The following AFG1L variants were observed in gnomAD, a reference collection of about 807,000 sequenced individuals.
AFG1L encodes AFG1 like ATPase.
Under a neutral mutation model 62.2 loss-of-function variants are expected in AFG1L, and 53 were observed. The observed-to-expected ratio is 0.85, with a 90% CI of 0.68 to 1.07. The LOEUF is 1.07. Among genes scored for constraint, AFG1L ranks in the 50% least tolerant of loss-of-function variants. The pLI is 0.00. For missense variants in AFG1L, 555 were observed against 590.5 expected, an observed-to-expected ratio of 0.94 and a Z score of 0.62; for synonymous variants, 228 against 210.3, an observed-to-expected ratio of 1.08 and a Z score of -0.73.
At chr6:108,415,198 G>A (rs536084632) in intron 7 of AFG1L, among the ~76,000 whole-genome samples, 6 of 152,064 alleles carry the variant, frequency 3.9e-5, no homozygotes, top group Admixed American at 6.5e-5. Flanking sequence ...AAAATACCTC[G>A]GAATCCAACT....
chr6:108,404,501 T>C (rs1026340357), intron 7 of AFG1L, among the ~76,000 whole-genome samples: 7 of 152,072 alleles, frequency 4.6e-5, no homozygotes, highest in Non-Finnish European at 8.8e-5. Context: ...TTCTTCAAAA[T>C]AGTGAGTACT....
At chr6:108,320,480 C>G (rs1777776317) in intron 1 of AFG1L, among the ~76,000 whole-genome samples, 1 of 152,130 alleles carries the variant, frequency 6.6e-6, no homozygotes, top group Non-Finnish European at 1.5e-5. Context: ...TCCTCTGTTC[C>G]CCCTTATCTG....
chr6:108,316,734 G>A (rs1031793181), intron 1 of AFG1L, among the ~76,000 whole-genome samples: 1 of 151,832 alleles, frequency 6.6e-6, no homozygotes, highest in South Asian at 2.1e-4. Flanking sequence ...GGGTTTCACC[G>A]TGTTAGCCGG....
intron 8 of AFG1L, among the ~76,000 whole-genome samples, chr6:108,449,345 G>A (rs1771957295): frequency 6.6e-6 from 1 of 152,010 alleles, no homozygotes; most frequent in Non-Finnish European, 1.5e-5. Flanking sequence ...CTTGACCATA[G>A]TCAAGAATAG....
At chr6:108,335,118 G>A (rs1039686032) in intron 2 of AFG1L, among the ~76,000 whole-genome samples, 1 of 151,762 alleles carries the variant, frequency 6.6e-6, no homozygotes, top group Non-Finnish European at 1.5e-5. Flanking sequence ...CTCAGCCTCC[G>A]AAGCAGCTGG....
At chr6:108,317,359 G>C (rs1777645387) in intron 1 of AFG1L, among the ~76,000 whole-genome samples, 1 of 152,156 alleles carries the variant, frequency 6.6e-6, no homozygotes, top group South Asian at 2.1e-4. Context: ...GAATGGCACT[G>C]TTGATTGGTT....
chr6:108,304,979 T>C (rs1482653185), intron 1 of AFG1L, among the ~76,000 whole-genome samples: 1 of 152,260 alleles, frequency 6.6e-6, no homozygotes, highest in African/African-American at 2.4e-5. Flanking sequence ...TAGAATGCGA[T>C]GCATTTTCCT....
At chr6:108,417,510 T>C (rs1180033836) in intron 7 of AFG1L, among the ~76,000 whole-genome samples, 1 of 152,160 alleles carries the variant, frequency 6.6e-6, no homozygotes, top group Non-Finnish European at 1.5e-5. Flanking sequence ...AATTTTATTT[T>C]CAGTAATCAG....
At chr6:108,439,465 A>G (rs1344689656) in intron 7 of AFG1L, among the ~76,000 whole-genome samples, 3 of 152,162 alleles carry the variant, frequency 2.0e-5, no homozygotes, top group African/African-American at 7.2e-5. Flanking sequence ...CTGATCTTCC[A>G]TGTAGATGGA....
chr6:108,330,021 G>A (rs1168565175), intron 2 of AFG1L, among the ~76,000 whole-genome samples: 1 of 152,070 alleles, frequency 6.6e-6, no homozygotes, highest in Non-Finnish European at 1.5e-5. Flanking sequence ...AAGGGGAAGA[G>A]AGTCTTGAGC....
At chr6:108,346,288 A>G (rs567822975) in intron 2 of AFG1L, among the ~76,000 whole-genome samples, 6 of 152,314 alleles carry the variant, frequency 3.9e-5, no homozygotes, top group Admixed American at 2.0e-4. Flanking sequence ...TTCATCTTGT[A>G]AAACTGAAAC....
chr6:108,514,521 C>T (rs1029829988), intron 11 of AFG1L, among the ~76,000 whole-genome samples: 18 of 152,100 alleles, frequency 1.2e-4, no homozygotes, highest in Non-Finnish European at 2.2e-4. Context: ...AAGGAACAAC[C>T]GGTACCAGCC....
chr6:108,514,391 C>G (rs1359892418), intron 11 of AFG1L, among the ~76,000 whole-genome samples: 4 of 152,090 alleles, frequency 2.6e-5, no homozygotes, highest in Non-Finnish European at 5.9e-5. Flanking sequence ...CATATCCAGC[C>G]AAACTAAGCT....
intron 10 of AFG1L, among the ~76,000 whole-genome samples, chr6:108,499,371 T>C (rs1371149216): frequency 6.6e-6 from 1 of 151,164 alleles, no homozygotes; most frequent in African/African-American, 2.4e-5. Context: ...GCCCAGCCCA[T>C]AAACATAACT....
intron 1 of AFG1L, among the ~76,000 whole-genome samples, chr6:108,317,267 C>A (rs549428476): frequency 6.6e-6 from 1 of 152,204 alleles, no homozygotes; most frequent in Non-Finnish European, 1.5e-5. Flanking sequence ...CACAGGAGAA[C>A]TGGAGTTATC....
At chr6:108,447,134 A>T in intron 7 of AFG1L, 80 bp from the exon 8 acceptor site, 1 of 593,336 alleles carries the variant, frequency 1.7e-6, no homozygotes, top group Non-Finnish European at 2.9e-6. Context: ...AAAAATTTTA[A>T]AAATGTATAG....
chr6:108,359,814 A>G (rs1278367978), intron 5 of AFG1L: 1 of 152,232 alleles, frequency 6.6e-6, no homozygotes, highest in East Asian at 1.9e-4. Flanking sequence ...AGGTGCCATC[A>G]GTATTGTCCC....
intron 10 of AFG1L, among the ~76,000 whole-genome samples, chr6:108,480,253 A>G (rs542732704): frequency 6.6e-6 from 1 of 152,342 alleles, no homozygotes; most frequent in South Asian, 2.1e-4. Flanking sequence ...AATAATAATG[A>G]ATATAGCCAC....
Position 108,295,205 on chromosome 6 carries a change from G to T in AFG1L, c.126G>T (p.Lys42Asn). 3 of 1,604,376 alleles carry T rather than the reference G, an allele frequency of 1.9e-6. No individual in the cohort carries two copies. The highest frequency in any genetic ancestry group is 2.5e-6 in the Non-Finnish European group (3 of 1,179,772). The change falls in exon 1 of 13, where the codon AAG becomes AAT. Residue 42 changes from lysine (K) to asparagine (N), a missense_variant. Coordinates refer to ENST00000368977, the MANE Select transcript of AFG1L (RefSeq NM_145315.5). Reference protein sequence around the residue: ...ALAPLATAPGKPFWKAYTVQT... With the variant: ...ALAPLATAPGNPFWKAYTVQT... ...CTCCTCTGGCCACCGCCCCTGGGAA[G>T]CCCTTTTGGAAAGGTCAGTGACTGT...
Sources: allele counts gnomAD v4.1 joint callset (sites outside exome capture counted in the v4.1 genomes callset), GRCh38; gene constraint gnomAD v4.1.1; transcripts MANE v1.5; gene names NCBI Gene and HGNC (gene_info 2026-07-23, HGNC 2026-07-21).